Variants in AGBL4 observed in about 807,000 individuals in gnomAD.
AGBL4 encodes the protein cytosolic carboxypeptidase 6.
AGBL4 carries 58 observed loss-of-function variants against 66.4 expected under a neutral mutation model. That is an observed-to-expected ratio of 0.87 (90% CI 0.71 to 1.09). The LOEUF (loss-of-function observed/expected upper bound fraction) is 1.09. Ranked by LOEUF, AGBL4 falls within the 50% of genes least tolerant of loss-of-function variation. The pLI is 0.00. For synonymous variants in AGBL4, 234 were observed against 222.9 expected (o/e 1.05, Z -0.44); for missense variants, 579 against 631.0 (o/e 0.92, Z 0.88).
intron 5 of AGBL4, among the ~76,000 whole-genome samples, chr1:49,027,247 G>A (rs1043436101): frequency 1.3e-5 from 2 of 151,638 alleles, no homozygotes; most frequent in Non-Finnish European, 2.9e-5. Flanking sequence ...TACAACCTCC[G>A]CCTCCCAGGT....
chr1:49,044,060 T>C (rs904922320), intron 5 of AGBL4, among the ~76,000 whole-genome samples: 1 of 152,190 alleles, frequency 6.6e-6, no homozygotes, highest in Non-Finnish European at 1.5e-5. Context: ...TCCACACTTT[T>C]TGAAGAGTAA....
At chr1:48,925,182 G>C (rs1408679850) in intron 5 of AGBL4, among the ~76,000 whole-genome samples, 1 of 151,618 alleles carries the variant, frequency 6.6e-6, no homozygotes, top group Non-Finnish European at 1.5e-5. Flanking sequence ...ACATATGTGT[G>C]TGTGTGTACA....
chr1:49,823,571 A>G (rs918398362), intron 2 of AGBL4, among the ~76,000 whole-genome samples: 6 of 152,164 alleles, frequency 3.9e-5, no homozygotes, highest in Non-Finnish European at 8.8e-5. Context: ...TTTGGACCTC[A>G]AATTTTGGAA....
chr1:49,432,105 C>A (rs544680750), intron 3 of AGBL4, among the ~76,000 whole-genome samples: 1 of 152,154 alleles, frequency 6.6e-6, no homozygotes, highest in South Asian at 2.1e-4. Context: ...CATAACCCTC[C>A]GTGATTTAGC....
chr1:49,462,327 G>C (rs1436550402), intron 3 of AGBL4, among the ~76,000 whole-genome samples: 3 of 151,698 alleles, frequency 2.0e-5, no homozygotes, highest in East Asian at 3.9e-4. Context: ...TAGAAAAGAA[G>C]CACCATCTTA....
intron 5 of AGBL4, among the ~76,000 whole-genome samples, chr1:49,005,825 A>AC (rs1661744673): frequency 1.3e-5 from 2 of 152,170 alleles, no homozygotes; most frequent in African/African-American, 4.8e-5. Context: ...ACATGGTGAA[A>AC]CCCCGTCTCT....
At chr1:49,465,723 G>A (rs1306179401) in intron 3 of AGBL4, among the ~76,000 whole-genome samples, 1 of 151,784 alleles carries the variant, frequency 6.6e-6, no homozygotes, top group African/African-American at 2.4e-5. Flanking sequence ...AGGTGGTTTG[G>A]TAATAAATCA....
intron 2 of AGBL4, among the ~76,000 whole-genome samples, chr1:49,775,716 G>A (rs564388246): frequency 5.3e-5 from 8 of 152,100 alleles, no homozygotes; most frequent in African/African-American, 1.9e-4. Flanking sequence ...TACTTTATCA[G>A]TGTCTTATAC....
intron 3 of AGBL4, among the ~76,000 whole-genome samples, chr1:49,541,113 A>G (rs1225120563): frequency 6.6e-6 from 1 of 152,238 alleles, no homozygotes; most frequent in East Asian, 1.9e-4. Flanking sequence ...TAGAGTTTAC[A>G]TGAAAATTAT....
At chr1:49,092,303 G>T (rs949250559) in intron 4 of AGBL4, among the ~76,000 whole-genome samples, 1 of 152,188 alleles carries the variant, frequency 6.6e-6, no homozygotes, top group Non-Finnish European at 1.5e-5. Context: ...GTTTTAGAGT[G>T]TGTAAACTCA....
At chr1:48,689,203 C>CAAAAAAAAAAAAA (rs939955179) in intron 6 of AGBL4, among the ~76,000 whole-genome samples, 27 of 53,316 alleles carry the variant, frequency 5.1e-4, no homozygotes, top group African/African-American at 1.5e-3. Flanking sequence ...GACCCGGTCT[C>CAAAAAAAAAAAAA]AAAAAAAAAA....
chr1:49,104,027 G>C (rs187160639), intron 4 of AGBL4, among the ~76,000 whole-genome samples: 1 of 152,096 alleles, frequency 6.6e-6, no homozygotes, highest in Non-Finnish European at 1.5e-5. Flanking sequence ...CCTATTTGGA[G>C]GTTCCTTACC....
chr1:49,922,195 C>T (rs1652325795), intron 1 of AGBL4, among the ~76,000 whole-genome samples: 1 of 152,106 alleles, frequency 6.6e-6, no homozygotes, highest in Admixed American at 6.5e-5. Context: ...GGGGATAAAG[C>T]CTACTTGATC....
At chr1:49,910,833 G>T (rs1024256996) in intron 1 of AGBL4, among the ~76,000 whole-genome samples, 2 of 152,030 alleles carry the variant, frequency 1.3e-5, no homozygotes, top group Non-Finnish European at 2.9e-5. Flanking sequence ...AAAATTAGCC[G>T]GGCACGGCGG....
rs917359220 is a variant in AGBL4, at chr1:48,841,406, C to T, written c.634+25785G>A. On this transcript the variant is annotated intron_variant, in intron 6 of 13. Coordinates refer to ENST00000371839, the MANE Select transcript of AGBL4 (RefSeq NM_032785.4). ...AACTATCTCTTACTACAAAACCCCCCCCCCCCAAAAAAAAAGAAGAGAGAG... is the reference window on the plus strand; with the variant it reads ...AACTATCTCTTACTACAAAACCCCCTCCCCCCAAAAAAAAAGAAGAGAGAG... Among the ~76,000 whole-genome samples, 3 of 134,614 alleles carry T rather than the reference C, an allele frequency of 2.2e-5. 1 individual carries two copies. The South Asian group carries it at 8.4e-4, about 38-fold the overall frequency. 88.3% of individuals were successfully genotyped at this position (134,614 alleles called of 152,430 possible).
intron 1 of AGBL4, among the ~76,000 whole-genome samples, chr1:49,974,249 A>C (rs999370829): frequency 7.2e-5 from 11 of 152,140 alleles, no homozygotes; most frequent in Non-Finnish European, 1.3e-4. Flanking sequence ...CGTGAGAAAA[A>C]ATGAGAGTGA....
At chr1:48,580,442 C>G (rs887284094) in intron 11 of AGBL4, among the ~76,000 whole-genome samples, 1 of 152,204 alleles carries the variant, frequency 6.6e-6, no homozygotes, top group Non-Finnish European at 1.5e-5. Context: ...CAGAAGTGAG[C>G]CAGACCCTAA....
chr1:49,927,074 T>C (rs1290053522), intron 1 of AGBL4, among the ~76,000 whole-genome samples: 1 of 152,052 alleles, frequency 6.6e-6, no homozygotes, highest in Non-Finnish European at 1.5e-5. Context: ...TTTTCACGTT[T>C]TTTCTGCCTG....
At chr1:49,842,406 A>G (rs1195103939) in intron 2 of AGBL4, 8 of 722,636 alleles carry the variant, frequency 1.1e-5, no homozygotes, top group East Asian at 1.5e-4. Context: ...GGAGCCCTTC[A>G]GGGCTGAGAG....
Sources: allele counts gnomAD v4.1 joint callset (sites outside exome capture counted in the v4.1 genomes callset), GRCh38; gene constraint gnomAD v4.1.1; transcripts MANE v1.5; gene names NCBI Gene and HGNC (gene_info 2026-07-23, HGNC 2026-07-21).